The following RUVBL2 variants were observed in gnomAD, a reference collection of about 807,000 sequenced individuals.
RUVBL2 encodes ruvB-like 2.
Under a neutral mutation model 57.9 loss-of-function variants are expected in RUVBL2, and 9 were observed. The observed-to-expected ratio is 0.16, with a 90% CI of 0.09 to 0.27. The LOEUF is 0.27. Ranked by LOEUF, RUVBL2 falls within the 10% of genes least tolerant of loss-of-function variation. The pLI, the probability that RUVBL2 is intolerant of heterozygous loss-of-function variation, is 1.00. For missense variants in RUVBL2, 456 were observed against 669.6 expected (o/e 0.68, Z 3.52); for synonymous variants, 278 against 264.6 (o/e 1.05, Z -0.49).
intron 8 of RUVBL2, 108 bp from the exon 9 acceptor site, chr19:49,010,380 C>T: frequency 1.8e-6 from 2 of 1,142,180 alleles, no homozygotes; most frequent in Admixed American, 3.9e-5. Context: ...AGCCTCCCAG[C>T]TCCATTTCCT....
Position 49,007,101 on chromosome 19 carries a change from G to A in RUVBL2, c.349G>A (p.Glu117Lys). Residue 117 changes from glutamate (E) to lysine (K), a missense_variant, in exon 5 of 15, where the codon GAG (glutamate) becomes AAG (lysine). Glu to Lys is a moderately conservative substitution (Grantham distance 56, BLOSUM62 1). Around this residue, in one of 5 missense-constraint regions of RUVBL2, gnomAD observed 233 missense variants for 306.0 expected, o/e 0.76. Transcript: ENST00000595090. ...EIFSLEMSKTEALTQAFRRSI... is the reference protein window; with the variant it reads ...EIFSLEMSKTKALTQAFRRSI... ...CTTCTCCCTGGAGATGAGCAAGACC[G>A]AGGCGCTGACGCAGGCCTTCCGGCG... is the stretch of plus-strand genomic sequence containing the variant. 1.9e-6 allele frequency: 3 copies of A among 1,613,294 alleles called. No individual in the cohort carries two copies. The highest frequency in any genetic ancestry group is 1.3e-5 in the African/African-American group (1 of 75,070).
rs563973925 is a variant in RUVBL2 at position 48,999,437 on chromosome 19, C to A, written c.67+64C>A. ...CTGCCATGTGCCCTGACAGAGCAAACCTATTGAGGACCCCTAAGATGGAGA... is the reference window on the plus strand; with the variant it reads ...CTGCCATGTGCCCTGACAGAGCAAAACTATTGAGGACCCCTAAGATGGAGA... On this transcript the variant is annotated intron_variant, in intron 2 of 14. Transcript: ENST00000595090. The A allele has an allele frequency of 3.2e-6, 5 of 1,543,744 alleles. No individual in the cohort carries two copies. The African/African-American group carries it at 6.8e-5, about 21-fold the overall frequency.
In RUVBL2 at chr19:49,010,011, C is replaced by T. The variant is rs201105110; in HGVS notation, c.608C>T (p.Ser203Phe). The T allele has an allele frequency of 6.3e-6, 10 of 1,591,566 alleles. No individual in the cohort carries two copies. Among genetic ancestry groups the T allele is most frequent in the Non-Finnish European group, 5.1e-6 (6 of 1,166,876 alleles). ...ATCGACAAGGCGACGGGCAAGATCT[C>T]CAAGCTGGGCCGCTCCTTCACACGC... ...ITIDKATGKI[S>F]KLGRSFTRAR... Residue 203 changes from serine to phenylalanine, a missense_variant, in exon 8 of 15, where the codon TCC (serine) becomes TTC (phenylalanine). By Grantham distance (155) the Ser-to-Phe change is radical (BLOSUM62 -2). Around this residue, in one of 5 missense-constraint regions of RUVBL2, gnomAD observed 233 missense variants for 306.0 expected, o/e 0.76. Coordinates refer to ENST00000595090, the MANE Select transcript of RUVBL2 (RefSeq NM_006666.3).
At position 49,003,328 on chromosome 19, in the gene RUVBL2, T is replaced by G. The variant is rs2039219639; in HGVS notation, c.117T>G (p.Pro39=). The G allele has an allele frequency of 6.2e-7, 1 of 1,613,908 alleles. No homozygotes were observed. Among genetic ancestry groups the G allele is most frequent in the Non-Finnish European group, 8.5e-7 (1 of 1,179,980 alleles). The change falls in exon 3 of 15, where the codon CCT becomes CCG. Residue 39 remains proline, a synonymous_variant. Transcript: ENST00000595090. ...TGGGGCTGGACGATGCCTTGGAGCC[T>G]CGGCAGGTAGAGCAGAGGAGGCTGG... ...RGLGLDDALE[P]RQASQGMVGQ... is the part of the protein sequence containing the mutation.
In RUVBL2 at chr19:49,010,670, G is replaced by C. The variant is rs150569352; in HGVS notation, c.787+59G>C. ...TGCCCCAGGCCTAGCAGCCTCCCTC[G>C]GGCTCCCTCTGTTCCTGAGCTCCGA... On this transcript the variant is annotated intron_variant, in intron 9 of 14. Transcript: ENST00000595090. The C allele has an allele frequency of 1.9e-5, 30 of 1,601,628 alleles. No homozygotes were observed. The African/African-American group carries it at 3.5e-4, about 19-fold the overall frequency.
chr19:49,015,785 CACTG>C, intron 14 of RUVBL2, 28 bp from the exon 15 acceptor site: 1 of 1,613,918 alleles, frequency 6.2e-7, no homozygotes, highest in Non-Finnish European at 8.5e-7. Flanking sequence ...ACCTGGGCGA[CACTG>C]ACCATGTGGC....
chr19:49,015,355 G>A, intron 13 of RUVBL2: 3 of 727,364 alleles, frequency 4.1e-6, no homozygotes, highest in Non-Finnish European at 6.8e-6. Flanking sequence ...GATGCTGTTA[G>A]GTCCACCTTA....
Position 48,999,330 on chromosome 19 carries a change from C to A in RUVBL2, c.24C>A (p.Thr8=). ...TCTTGCACCCCCAGACAGCCACAACCAAAGTCCCGGAGATCCGTGATGTAA... is the reference window on the plus strand; with the variant it reads ...TCTTGCACCCCCAGACAGCCACAACAAAAGTCCCGGAGATCCGTGATGTAA... The part of the protein sequence containing the change: MATVTAT[T]KVPEIRDVTR... The change falls in exon 2 of 15, where the codon ACC becomes ACA. Residue 8 remains threonine (T), a synonymous_variant. Transcript: ENST00000595090. The A allele has an allele frequency of 6.2e-7, 1 of 1,614,218 alleles. No homozygotes were observed. The highest frequency in any genetic ancestry group is 8.5e-7 in the Non-Finnish European group (1 of 1,180,040).
At chr19:49,005,192 C>T (rs1477702357) in intron 4 of RUVBL2, among the ~76,000 whole-genome samples, 1 of 152,224 alleles carries the variant, frequency 6.6e-6, no homozygotes, top group Admixed American at 6.5e-5. Flanking sequence ...TAACCCACTG[C>T]TCTTCCCACT....
Position 49,015,893 on chromosome 19 carries a change from CTG to C in RUVBL2, c.*54_*55del, listed in dbSNP as rs2039541465. ...CCTGTTTTCCACCAGAGTTCTGACA[CTG>C]TGACTCTGTATAAAATGGTTGGGAA... On this transcript the variant is annotated 3_prime_UTR_variant, in exon 15 of 15. Coordinates refer to ENST00000595090, the MANE Select transcript of RUVBL2 (RefSeq NM_006666.3). 6.2e-7 allele frequency: 1 copy of C among 1,613,974 alleles called. No individual in the cohort carries two copies. The highest frequency in any genetic ancestry group is 8.5e-7 in the Non-Finnish European group (1 of 1,179,806).
intron 6 of RUVBL2, 84 bp downstream of exon 6, chr19:49,007,452 T>C: frequency 8.0e-7 from 1 of 1,246,420 alleles, no homozygotes; most frequent in Non-Finnish European, 1.1e-6. Flanking sequence ...TGCACTGAGG[T>C]CAGAATCCCA....
intron 1 of RUVBL2, among the ~76,000 whole-genome samples, chr19:48,999,046 G>A (rs1176088589): frequency 6.6e-6 from 1 of 151,848 alleles, no homozygotes; most frequent in Non-Finnish European, 1.5e-5. Flanking sequence ...AAAAGAAACA[G>A]GGAGGATTTC....
rs556931799 is a variant in RUVBL2 at position 49,011,713 on chromosome 19, G to A, written c.1001+403G>A. ...CAACTCCATTAACAGAACTCTTAGC[G>A]TTGTGTTTGGCCTAAGGATGCCAGG... On this transcript the variant is annotated intron_variant, in intron 11 of 14. Transcript: ENST00000595090. The surrounding 1 kb of genome is among the most constrained non-coding windows in gnomAD (Gnocchi z 4.4). Among the ~76,000 whole-genome samples the A allele has an allele frequency of 3.0e-4, 46 of 152,282 alleles. No individual in the cohort carries two copies. The highest frequency in any genetic ancestry group is 1.0e-3 in the African/African-American group (43 of 41,552).
rs371961415 is a variant in RUVBL2 at position 49,010,601 on chromosome 19, G to A, written c.777G>A (p.Ala259=). Residue 259 remains alanine (A), a synonymous_variant, in exon 9 of 15, where the codon GCG becomes GCA. Transcript: ENST00000595090. ...VINSRTQGFL[A]LFSGDTGEIK... The stretch of plus-strand genomic sequence containing the variant: ...ACTCTCGCACCCAGGGCTTCCTGGC[G>A]CTCTTCTCAGGTGAGGCCCCTCCTG... 5.8e-5 allele frequency: 94 copies of A among 1,613,336 alleles called. No individual in the cohort carries two copies. The highest frequency in any genetic ancestry group is 3.3e-4 in the Middle Eastern group (2 of 6,080).
chr19:49,010,000 G>C lies in RUVBL2; in HGVS notation c.597G>C (p.Thr199=), dbSNP rs550156979. Residue 199 remains threonine, a synonymous_variant, in exon 8 of 15, where the codon ACG becomes ACC. Coordinates refer to ENST00000595090, the MANE Select transcript of RUVBL2 (RefSeq NM_006666.3). The part of the protein sequence containing the change: ...AGDVITIDKA[T]GKISKLGRSF... ...ACGTGATCACCATCGACAAGGCGAC[G>C]GGCAAGATCTCCAAGCTGGGCCGCT... 1 of 1,590,730 alleles carries C rather than the reference G, an allele frequency of 6.3e-7. No individual in the cohort carries two copies. The highest frequency in any genetic ancestry group is 8.6e-7 in the Non-Finnish European group (1 of 1,166,114).
At chr19:49,010,902 T>A (rs1600192164) in intron 9 of RUVBL2, 97 bp from the exon 10 acceptor site, 1 of 1,127,744 alleles carries the variant, frequency 8.9e-7, no homozygotes, top group Non-Finnish European at 1.3e-6. Flanking sequence ...CTCCCCTTCC[T>A]CCATCCCTGG....
chr19:48,994,584 T>TG (rs1164271735), intron 1 of RUVBL2: 1 of 152,374 alleles, frequency 6.6e-6, no homozygotes, highest in Non-Finnish European at 1.5e-5. Flanking sequence ...TACATGTGAA[T>TG]GAAGGAGAGG....
intron 1 of RUVBL2, among the ~76,000 whole-genome samples, chr19:48,997,752 T>C (rs554787514): frequency 6.6e-6 from 1 of 152,314 alleles, no homozygotes; most frequent in Non-Finnish European, 1.5e-5. Context: ...TGTGGGTTGT[T>C]TCTATCTTTT....
intron 6 of RUVBL2, among the ~76,000 whole-genome samples, chr19:49,008,602 T>C (rs1224236344): frequency 1.3e-5 from 2 of 151,674 alleles, no homozygotes; most frequent in Non-Finnish European, 2.9e-5. Flanking sequence ...TCCCAGCACT[T>C]TGGGAGGCTG....
Sources: allele counts gnomAD v4.1 joint callset (sites outside exome capture counted in the v4.1 genomes callset), GRCh38; gene constraint gnomAD v4.1.1; regional missense constraint gnomAD v4.1.1; non-coding constraint Gnocchi (gnomAD v3.1); transcripts MANE v1.5; gene names NCBI Gene and HGNC (gene_info 2026-07-23, HGNC 2026-07-21).